Variants in TPRX1 observed in about 807,000 individuals in gnomAD.
The protein encoded by TPRX1 is tetrapeptide repeat homeobox 1.
A neutral mutation model predicts 8.1 loss-of-function variants in TPRX1; 2 were observed. The observed-to-expected ratio is 0.25, with a 90% CI of 0.10 to 0.78. TPRX1 has a LOEUF of 0.78. Ranked by LOEUF, TPRX1 falls within the 30% of genes least tolerant of loss-of-function variation. TPRX1 has a pLI of 0.70. For missense variants in TPRX1, 517 were observed against 586.9 expected (o/e 0.88, Z 1.23); for synonymous variants, 257 against 254.1 (o/e 1.01, Z -0.11).
intron 2 of TPRX1, among the ~76,000 whole-genome samples, chr19:47,813,900 G>A (rs1393255810): frequency 2.0e-5 from 3 of 149,636 alleles, no homozygotes; most frequent in Admixed American, 6.7e-5. Flanking sequence ...ACCAGGGGGC[G>A]GCAGAGGACG....
chr19:47,804,378 A>G (rs1967714193), intron 2 of TPRX1, among the ~76,000 whole-genome samples, 137 bp downstream of exon 1: 1 of 152,012 alleles, frequency 6.6e-6, no homozygotes, highest in African/African-American at 2.4e-5. Context: ...TTTCCCAGAC[A>G]CCACTAAGTT....
chr19:47,813,649 C>T (rs988856058), intron 2 of TPRX1, among the ~76,000 whole-genome samples: 3 of 151,936 alleles, frequency 2.0e-5, no homozygotes, highest in African/African-American at 7.3e-5. Context: ...TTCCCCTCCT[C>T]GTTGTCCCTT....
intron 2 of TPRX1, among the ~76,000 whole-genome samples, chr19:47,806,820 A>G (rs1967739363): frequency 6.6e-6 from 1 of 152,202 alleles, no homozygotes; most frequent in African/African-American, 2.4e-5. Context: ...ATAGCTATGG[A>G]GATAGCTATT....
chr19:47,811,602 G>T lies in TPRX1; in HGVS notation c.151+6866C>A, dbSNP rs542510315. ...CAACCTCCGCCTCCCGGATTCAAGCGATTCTCCTGCCTCAGCCTCCTGAGT... is the reference window on the plus strand; with the variant it reads ...CAACCTCCGCCTCCCGGATTCAAGCTATTCTCCTGCCTCAGCCTCCTGAGT... On this transcript the variant is annotated intron_variant, in intron 2 of 3. Coordinates refer to ENST00000535759, the Ensembl canonical transcript of TPRX1. Among the ~76,000 whole-genome samples the T allele has an allele frequency of 2.0e-5, 3 of 150,540 alleles. No homozygotes were observed. The South Asian group carries it at 6.3e-4, about 32-fold the overall frequency.
chr19:47,817,773 C>A (rs1453799608), intron 2 of TPRX1, among the ~76,000 whole-genome samples: 1 of 152,214 alleles, frequency 6.6e-6, no homozygotes, highest in Non-Finnish European at 1.5e-5. Flanking sequence ...ATATGAAGGG[C>A]CCAAGGCCAC....
chr19:47,802,116 G>A, exon 4 of TPRX1: 4 of 1,585,192 alleles, frequency 2.5e-6, no homozygotes, highest in African/African-American at 2.7e-5. Flanking sequence ...AGGCCTGGAA[G>A]TGAGCCAGGG....
chr19:47,808,240 G>A (rs1443104890), intron 2 of TPRX1, among the ~76,000 whole-genome samples: 3 of 151,894 alleles, frequency 2.0e-5, no homozygotes, highest in Non-Finnish European at 4.4e-5. Context: ...TCAGCCTCCT[G>A]AGTAGCTGGG....
intron 2 of TPRX1, among the ~76,000 whole-genome samples, chr19:47,810,800 G>A (rs1967776052): frequency 6.6e-6 from 1 of 151,970 alleles, no homozygotes; most frequent in Admixed American, 6.6e-5. Flanking sequence ...GGGGGAGGGG[G>A]TTCAGGAGGG....
chr19:47,810,254 CAAAAAA>C (rs767070353), intron 2 of TPRX1, among the ~76,000 whole-genome samples: 12 of 21,394 alleles, frequency 5.6e-4, no homozygotes, highest in African/African-American at 1.7e-3. Context: ...GACTCCATCT[CAAAAAA>C]AAAAAAAAAA....
At chr19:47,809,880 G>C (rs1411171577) in intron 2 of TPRX1, among the ~76,000 whole-genome samples, 1 of 152,046 alleles carries the variant, frequency 6.6e-6, no homozygotes, top group African/African-American at 2.4e-5. Flanking sequence ...CAGGTGGATG[G>C]AGGGAGGTCT....
chr19:47,803,840 G>C (rs1022557922), intron 2 of TPRX1, among the ~76,000 whole-genome samples, 167 bp from the exon 2 acceptor site: 1 of 151,496 alleles, frequency 6.6e-6, no homozygotes, highest in Non-Finnish European at 1.5e-5. Context: ...CTGGGCCTCA[G>C]GGTCCACATC....
chr19:47,807,680 G>A (rs1245279650), intron 2 of TPRX1, among the ~76,000 whole-genome samples: 3 of 152,250 alleles, frequency 2.0e-5, no homozygotes, highest in Non-Finnish European at 4.4e-5. Flanking sequence ...GCCCTGAATT[G>A]TATACTTTAA....
chr19:47,813,713 A>G (rs1353071708), intron 2 of TPRX1, among the ~76,000 whole-genome samples: 3 of 148,708 alleles, frequency 2.0e-5, no homozygotes, highest in Non-Finnish European at 4.5e-5. Context: ...AGGGTCTGAC[A>G]AGCAGAAGGA....
At chr19:47,818,338 C>A (rs201635959) in intron 2 of TPRX1, 7 of 296,470 alleles carry the variant, frequency 2.4e-5, no homozygotes, top group Non-Finnish European at 4.6e-5. Context: ...TCCATCCATC[C>A]ATCATCCATC....
At chr19:47,812,162 C>A (rs970205916) in intron 2 of TPRX1, among the ~76,000 whole-genome samples, 1 of 152,020 alleles carries the variant, frequency 6.6e-6, no homozygotes, top group African/African-American at 2.4e-5. Flanking sequence ...CACCCGTGCC[C>A]GGCCTGAGAA....
chr19:47,813,157 A>ACCCCC (rs200894986), intron 2 of TPRX1, among the ~76,000 whole-genome samples: 1 of 111,156 alleles, frequency 9.0e-6, no homozygotes, highest in African/African-American at 3.7e-5. Context: ...AAATAAAACA[A>ACCCCC]CCCCCCCCAC....
intron 2 of TPRX1, among the ~76,000 whole-genome samples, chr19:47,812,156 C>T (rs879360756): frequency 8.9e-4 from 136 of 151,968 alleles, no homozygotes; most frequent in Non-Finnish European, 1.7e-3. Context: ...GTGAGCCACC[C>T]GTGCCCGGCC....
At chr19:47,813,143 T>TAAATAAATAAATAAA (rs1337149411) in intron 2 of TPRX1, among the ~76,000 whole-genome samples, 7 of 91,282 alleles carry the variant, frequency 7.7e-5, no homozygotes, top group Non-Finnish European at 1.8e-4. Context: ...AAATAAATAA[T>TAAATAAATAAATAAA]AATAAATAAA....
At chr19:47,809,225 T>C (rs1224280738) in intron 2 of TPRX1, among the ~76,000 whole-genome samples, 1 of 152,206 alleles carries the variant, frequency 6.6e-6, no homozygotes, top group Non-Finnish European at 1.5e-5. Context: ...ACACATTTAA[T>C]AAGCACATAC....
Sources: allele counts gnomAD v4.1 joint callset (sites outside exome capture counted in the v4.1 genomes callset), GRCh38; gene constraint gnomAD v4.1.1; transcripts MANE v1.5; gene names NCBI Gene and HGNC (gene_info 2026-07-23, HGNC 2026-07-21).